Variants in ATXN7 observed in about 807,000 individuals in gnomAD.
ATXN7 encodes the protein ataxin 7.
A neutral mutation model predicts 70.5 loss-of-function variants in ATXN7; 12 were observed. That is an observed-to-expected ratio of 0.17 (90% CI 0.11 to 0.28). The LOEUF is 0.28. ATXN7 is among the 10% of genes least tolerant of loss of function. The pLI, the probability that ATXN7 is intolerant of heterozygous loss-of-function variation, is 1.00. For synonymous variants in ATXN7, 498 were observed against 448.7 expected, an observed-to-expected ratio of 1.11 and a Z score of -1.39; for missense variants, 1,256 against 1,131.7, an observed-to-expected ratio of 1.11 and a Z score of -1.58.
chr3:63,919,266 G>GA (rs1193161544), intron 4 of ATXN7, among the ~76,000 whole-genome samples: 1 of 152,184 alleles, frequency 6.6e-6, no homozygotes, highest in Non-Finnish European at 1.5e-5. Context: ...GTGAACAGCA[G>GA]AGTTGACTAC....
At chr3:63,960,404 G>A (rs1029601315) in intron 5 of ATXN7, among the ~76,000 whole-genome samples, 14 of 152,174 alleles carry the variant, frequency 9.2e-5, no homozygotes, top group Non-Finnish European at 1.5e-4. Context: ...GAGGGTTTTG[G>A]CCAGGAAGTG....
chr3:63,952,897 C>A (rs1445334806), intron 5 of ATXN7, among the ~76,000 whole-genome samples: 2 of 98,112 alleles, frequency 2.0e-5, no homozygotes, highest in African/African-American at 4.1e-5. Context: ...CTTCTCTGTT[C>A]AATAGTTCTA....
At chr3:63,969,767 A>G (rs773716682) in intron 5 of ATXN7, among the ~76,000 whole-genome samples, 1 of 152,222 alleles carries the variant, frequency 6.6e-6, no homozygotes, top group East Asian at 1.9e-4. Context: ...TTGGAAGGCT[A>G]TCCTTATAAA....
chr3:63,990,880 G>A (rs1353427811), intron 11 of ATXN7, 21 bp downstream of exon 11: 2 of 1,614,192 alleles, frequency 1.2e-6, no homozygotes, highest in South Asian at 2.2e-5. Context: ...GTTGTTCTTG[G>A]GAGAGGAGCT....
intron 7 of ATXN7, 81 bp downstream of exon 7, chr3:63,982,526 A>G: frequency 2.4e-6 from 3 of 1,229,170 alleles, no homozygotes; most frequent in South Asian, 2.9e-5. Context: ...ACTGCAATCT[A>G]GAATTCCTAT....
At chr3:63,992,083 T>G (rs2075680937) in intron 11 of ATXN7, among the ~76,000 whole-genome samples, 1 of 152,196 alleles carries the variant, frequency 6.6e-6, no homozygotes, top group Admixed American at 6.5e-5. Flanking sequence ...GTTTGGGCAT[T>G]ATTTACTAGT....
intron 2 of ATXN7, among the ~76,000 whole-genome samples, chr3:63,903,301 G>A (rs998370504): frequency 4.6e-5 from 7 of 151,336 alleles, no homozygotes; most frequent in Admixed American, 1.3e-4. Context: ...GCAGGAGAAT[G>A]GCGTGAACTC....
At chr3:63,915,328 C>T (rs1704219283) in intron 4 of ATXN7, among the ~76,000 whole-genome samples, 1 of 152,192 alleles carries the variant, frequency 6.6e-6, no homozygotes, top group African/African-American at 2.4e-5. Context: ...TTGGAACGTA[C>T]ACCTGTCTGA....
rs540528502 is a variant in ATXN7 at position 63,952,591 on chromosome 3, C to A, written c.499+108C>A. On this transcript the variant is annotated intron_variant, in intron 5 of 12. Coordinates refer to ENST00000674280, the MANE Select transcript of ATXN7 (RefSeq NM_001377405.1). ...ATGGGACATAATGTCCCTCCCCCAC[C>A]AGGAAGTAGGCTTTTTAATTCACTC... The A allele has an allele frequency of 2.0e-4, 119 of 593,752 alleles. 1 individual carries two copies. The South Asian group carries it at 4.4e-3, about 22-fold the overall frequency. 36.8% of individuals were successfully genotyped at this position (593,752 alleles called of 1,614,324 possible).
intron 4 of ATXN7, among the ~76,000 whole-genome samples, chr3:63,945,099 T>C (rs924144923): frequency 2.6e-5 from 4 of 152,202 alleles, no homozygotes; most frequent in African/African-American, 9.6e-5. Flanking sequence ...ACCTGTGTTT[T>C]TGTTTTCTTG....
chr3:63,879,712 G>A (rs578119713), intron 1 of ATXN7, among the ~76,000 whole-genome samples: 23 of 151,976 alleles, frequency 1.5e-4, no homozygotes, highest in Admixed American at 4.6e-4. Flanking sequence ...AGCTAGTCTC[G>A]AACTCCGGAC....
At chr3:63,979,885 A>G in intron 5 of ATXN7, 30 bp from the exon 6 acceptor site, 1 of 1,610,644 alleles carries the variant, frequency 6.2e-7, no homozygotes, top group Non-Finnish European at 8.5e-7. Flanking sequence ...CTAAAACATG[A>G]TGTCTTTTTT....
At chr3:63,990,935 A>C in intron 11 of ATXN7, 76 bp downstream of exon 11, 1 of 1,601,130 alleles carries the variant, frequency 6.2e-7, no homozygotes, top group Non-Finnish European at 8.5e-7. Flanking sequence ...TGTGAGACTG[A>C]TGTTATGAAG....
intron 4 of ATXN7, among the ~76,000 whole-genome samples, chr3:63,916,423 C>A (rs531412829): frequency 6.6e-5 from 10 of 152,188 alleles, no homozygotes; most frequent in Non-Finnish European, 1.2e-4. Context: ...GGATCATTTA[C>A]ACGTCCCCAC....
At chr3:63,963,458 T>C (rs945990815) in intron 5 of ATXN7, among the ~76,000 whole-genome samples, 2 of 152,252 alleles carry the variant, frequency 1.3e-5, no homozygotes, top group African/African-American at 2.4e-5. Flanking sequence ...CAGTCCATGC[T>C]ACGCTATAAA....
chr3:63,990,836 G>C lies in ATXN7; in HGVS notation c.1659G>C (p.Lys553Asn). ...LRCALNLMVE[K>N]HLNAQLWKKI... ...GCGCCCTCAACCTCATGGTGGAGAA[G>C]CATCTGAATGCACAGCTATGGAAGT... is the stretch of plus-strand genomic sequence containing the variant. Residue 553 changes from lysine (K) to asparagine (N), a missense_variant, in exon 11 of 13, where the codon AAG becomes AAC. Coordinates refer to ENST00000674280, the MANE Select transcript of ATXN7 (RefSeq NM_001377405.1). The C allele has an allele frequency of 6.2e-7, 1 of 1,614,254 alleles. No individual in the cohort carries two copies. The highest frequency in any genetic ancestry group is 8.5e-7 in the Non-Finnish European group (1 of 1,180,044).
At chr3:63,902,845 A>T (rs1168692027) in intron 2 of ATXN7, among the ~76,000 whole-genome samples, 3 of 151,692 alleles carry the variant, frequency 2.0e-5, no homozygotes, top group South Asian at 4.2e-4. Flanking sequence ...TTTCTTCTTC[A>T]AAAAAAAATC....
At chr3:63,869,490 C>A (rs1702535870) in intron 1 of ATXN7, among the ~76,000 whole-genome samples, 1 of 152,080 alleles carries the variant, frequency 6.6e-6, no homozygotes, top group Admixed American at 6.5e-5. Flanking sequence ...GTGGCATGAT[C>A]TTGGCTCACT....
intron 1 of ATXN7, among the ~76,000 whole-genome samples, chr3:63,866,091 A>G (rs903177345): frequency 2.0e-5 from 3 of 152,122 alleles, no homozygotes; most frequent in African/African-American, 7.2e-5. Context: ...TCTCTGAGTT[A>G]TTCATAAATG....
Sources: allele counts gnomAD v4.1 joint callset (sites outside exome capture counted in the v4.1 genomes callset), GRCh38; gene constraint gnomAD v4.1.1; transcripts MANE v1.5; gene names NCBI Gene and HGNC (gene_info 2026-07-23, HGNC 2026-07-21).